Variants in TRAPPC9 observed in about 807,000 individuals in gnomAD.
The protein encoded by TRAPPC9 is trafficking protein particle complex subunit 9, also known as IKK2 binding protein.
Under a neutral mutation model 124.0 loss-of-function variants are expected in TRAPPC9, and 83 were observed. That is an observed-to-expected ratio of 0.67 (90% confidence interval 0.56 to 0.80). TRAPPC9 has a LOEUF of 0.80. Ranked by LOEUF, TRAPPC9 falls within the 30% of genes least tolerant of loss-of-function variation. The pLI is 0.00. For synonymous variants in TRAPPC9, 638 were observed against 617.5 expected (o/e 1.03, Z -0.49); for missense variants, 1,302 against 1,508.3 (o/e 0.86, Z 2.27).
chr8:140,248,969 A>C (rs77365470), intron 16 of TRAPPC9, among the ~76,000 whole-genome samples: 4,419 of 152,360 alleles, frequency 0.029, 95 homozygotes, highest in African/African-American at 0.047. Flanking sequence ...TCGAGCCTAC[A>C]GAAAAGTCAC....
intron 17 of TRAPPC9, among the ~76,000 whole-genome samples, chr8:140,128,980 T>TATATAC: frequency 7.9e-6 from 1 of 126,030 alleles, no homozygotes; most frequent in African/African-American, 3.0e-5. Context: ...AAAATATATA[T>TATATAC]ATATATACAT....
chr8:140,404,295 G>A (rs528441206), intron 6 of TRAPPC9, among the ~76,000 whole-genome samples: 8 of 152,260 alleles, frequency 5.3e-5, no homozygotes, highest in African/African-American at 1.7e-4. Flanking sequence ...AAAATGTTCA[G>A]TAAAGCATTT....
chr8:140,103,626 G>C (rs998150113), intron 17 of TRAPPC9, among the ~76,000 whole-genome samples: 9 of 152,184 alleles, frequency 5.9e-5, no homozygotes, highest in Admixed American at 3.3e-4. Flanking sequence ...TCTTAGAATA[G>C]TGCCTAGAAT....
chr8:140,160,199 G>T (rs1438710586), intron 17 of TRAPPC9, among the ~76,000 whole-genome samples: 6 of 152,222 alleles, frequency 3.9e-5, no homozygotes, highest in Non-Finnish European at 1.5e-5. Flanking sequence ...CTGTTGGTGG[G>T]AGTGTAAATT....
At chr8:140,449,300 T>A (rs2071377021) in intron 2 of TRAPPC9, among the ~76,000 whole-genome samples, 1 of 152,214 alleles carries the variant, frequency 6.6e-6, no homozygotes, top group South Asian at 2.1e-4. Context: ...CAGCCAATCC[T>A]ATACAGGAGG....
At chr8:139,976,069 T>C (rs1268096537) in intron 19 of TRAPPC9, among the ~76,000 whole-genome samples, 1 of 151,654 alleles carries the variant, frequency 6.6e-6, no homozygotes, top group Non-Finnish European at 1.5e-5. Flanking sequence ...TTTTTTGTAC[T>C]TTTAGTACAG....
Position 140,434,597 on chromosome 8 carries a change from A to G in TRAPPC9, c.859+515T>C, listed in dbSNP as rs541052975. ...GGAAATTTTACACAAGTATTCCAGA[A>G]ATCAACCAATCATTCTAACCCATTA... On this transcript the variant is annotated intron_variant, in intron 4 of 22. Coordinates refer to ENST00000438773, the MANE Select transcript of TRAPPC9 (RefSeq NM_001160372.4). Among the ~76,000 whole-genome samples the G allele has an allele frequency of 2.6e-5, 4 of 152,360 alleles. No homozygotes were observed. In the South Asian group the frequency reaches 8.3e-4, roughly 32 times the overall value.
At chr8:140,154,972 G>A (rs2061604071) in intron 17 of TRAPPC9, among the ~76,000 whole-genome samples, 1 of 152,154 alleles carries the variant, frequency 6.6e-6, no homozygotes, top group Non-Finnish European at 1.5e-5. Flanking sequence ...ACCATGTAGG[G>A]CATCCTGTTA....
At chr8:140,424,661 A>G (rs2070360121) in intron 5 of TRAPPC9, among the ~76,000 whole-genome samples, 2 of 151,854 alleles carry the variant, frequency 1.3e-5, no homozygotes, top group African/African-American at 4.8e-5. Context: ...AAAAAATGAA[A>G]GAAATGAAAG....
At chr8:140,174,627 A>T (rs1217215201) in intron 17 of TRAPPC9, among the ~76,000 whole-genome samples, 1 of 151,936 alleles carries the variant, frequency 6.6e-6, no homozygotes, top group Non-Finnish European at 1.5e-5. Flanking sequence ...GTCTCCATGG[A>T]ATTGCCTATT....
intron 15 of TRAPPC9, among the ~76,000 whole-genome samples, chr8:140,263,305 T>C (rs1384290987): frequency 1.3e-5 from 2 of 152,022 alleles, no homozygotes; most frequent in South Asian, 2.1e-4. Context: ...CTCCCATTAC[T>C]CTCAGAGCTC....
intron 16 of TRAPPC9, among the ~76,000 whole-genome samples, chr8:140,235,925 C>A (rs1430440701): frequency 2.0e-5 from 3 of 151,970 alleles, no homozygotes; most frequent in African/African-American, 7.3e-5. Flanking sequence ...ATGCAACACA[C>A]AATATGCATG....
chr8:140,361,333 C>T (rs147737783), intron 8 of TRAPPC9, among the ~76,000 whole-genome samples: 321 of 152,208 alleles, frequency 2.1e-3, no homozygotes, highest in Middle Eastern at 6.8e-3. Context: ...GATGCTGGGA[C>T]GAACACAAAC....
chr8:140,105,355 T>C (rs1439964704), intron 17 of TRAPPC9, among the ~76,000 whole-genome samples: 4 of 152,232 alleles, frequency 2.6e-5, no homozygotes, highest in Non-Finnish European at 4.4e-5. Flanking sequence ...CACTGTTGAA[T>C]CTGTCTCCCC....
chr8:139,757,446 T>G (rs1237610640), intron 21 of TRAPPC9, among the ~76,000 whole-genome samples: 2 of 137,110 alleles, frequency 1.5e-5, no homozygotes, highest in African/African-American at 2.8e-5. Context: ...AGCCAGGGTT[T>G]GGGGATGAGG....
intron 17 of TRAPPC9, among the ~76,000 whole-genome samples, chr8:140,213,093 G>GT (rs1389217129): frequency 5.1e-5 from 7 of 136,684 alleles, no homozygotes; most frequent in African/African-American, 1.1e-4. Context: ...AAGTTTTTTT[G>GT]TTTTTTTGTT....
Position 140,364,671 on chromosome 8 carries a change from C to T in TRAPPC9, c.1352-4478G>A, listed in dbSNP as rs568782997. ...TCTCGGCTCACTGCAACCCTTCTAC[C>T]TCCCAGGTTCAAGTGATTCTCCTGC... On this transcript the variant is annotated intron_variant, in intron 8 of 22. Transcript: ENST00000438773. 3.9e-5 allele frequency among the ~76,000 whole-genome samples: 6 copies of T among 152,232 alleles called. No individual in the cohort carries two copies. In the South Asian group the frequency reaches 1.2e-3, roughly 32 times the overall value.
chr8:139,731,925 G>C (rs1189517148), intron 22 of TRAPPC9, 54 bp downstream of exon 22: 3 of 1,500,072 alleles, frequency 2.0e-6, no homozygotes, highest in Non-Finnish European at 1.8e-6. Context: ...GGGAAGGGGG[G>C]ATGATGACCA....
At chr8:140,417,491 CA>C (rs2069979393) in intron 5 of TRAPPC9, among the ~76,000 whole-genome samples, 1 of 152,154 alleles carries the variant, frequency 6.6e-6, no homozygotes, top group South Asian at 2.1e-4. Flanking sequence ...TAGAGAAATG[CA>C]AATCAAAACC....
Sources: allele counts gnomAD v4.1 joint callset (sites outside exome capture counted in the v4.1 genomes callset), GRCh38; gene constraint gnomAD v4.1.1; transcripts MANE v1.5; gene names NCBI Gene and HGNC (gene_info 2026-07-23, HGNC 2026-07-21).